The following PCDH15 variants were observed in gnomAD, a reference collection of about 807,000 sequenced individuals.
PCDH15 encodes the protein protocadherin-15.
PCDH15 carries 129 observed loss-of-function variants against 178.5 expected under a neutral mutation model. The observed-to-expected ratio is 0.72, with a 90% CI of 0.63 to 0.84. The LOEUF (loss-of-function observed/expected upper bound fraction) is 0.84, where lower values mean the gene tolerates loss of function less well. Ranked by LOEUF, PCDH15 falls within the 40% of genes least tolerant of loss-of-function variation. The probability of loss-of-function intolerance (pLI) is 0.00; values close to 1 mark genes in which losing one functional copy is unlikely to be tolerated. For synonymous variants in PCDH15, 800 were observed against 732.0 expected (o/e 1.09, Z -1.50); for missense variants, 2,230 against 2,099.9 (o/e 1.06, Z -1.21).
intron 2 of PCDH15, among the ~76,000 whole-genome samples, chr10:55,088,262 C>T (rs1308252410): frequency 6.6e-6 from 1 of 151,480 alleles, no homozygotes; most frequent in Non-Finnish European, 1.5e-5. Flanking sequence ...AATAACACTA[C>T]TATGGAAGCA....
intron 18 of PCDH15, among the ~76,000 whole-genome samples, chr10:54,046,673 C>T (rs979148467): frequency 3.3e-5 from 5 of 152,022 alleles, no homozygotes; most frequent in Non-Finnish European, 5.9e-5. Context: ...AAAGCAATTG[C>T]GCCTGAGAAG....
intron 2 of PCDH15, among the ~76,000 whole-genome samples, chr10:54,936,591 A>G (rs1381013431): frequency 3.9e-5 from 6 of 151,984 alleles, no homozygotes; most frequent in Admixed American, 3.3e-4. Flanking sequence ...ATGCAAAAAT[A>G]TATATTACTG....
rs78466841 is a variant in PCDH15 at position 55,405,163 on chromosome 10, G to A, written c.-156+222462C>T. 7.9e-3 allele frequency among the ~76,000 whole-genome samples: 1,195 copies of A among 151,080 alleles called. 15 individuals carry two copies. Among genetic ancestry groups the A allele is most frequent in the African/African-American group, 0.026 (1,074 of 41,246 alleles). On this transcript the variant is annotated intron_variant, in intron 2 of 5. Coordinates refer to the PCDH15 transcript ENST00000613346. ...TTTTGGAAGTACCTACCAAATATGTGGATGAATTATGTATTTTCTATAGAG... is the reference window on the plus strand; with the variant it reads ...TTTTGGAAGTACCTACCAAATATGTAGATGAATTATGTATTTTCTATAGAG...
intron 3 of PCDH15, among the ~76,000 whole-genome samples, chr10:54,411,652 C>A (rs1953538686): frequency 1.3e-5 from 2 of 152,122 alleles, no homozygotes; most frequent in African/African-American, 4.8e-5. Flanking sequence ...GTTGCTGCTA[C>A]CATAATGATC....
At chr10:54,513,660 A>T (rs1332957134) in intron 3 of PCDH15, among the ~76,000 whole-genome samples, 3 of 152,182 alleles carry the variant, frequency 2.0e-5, no homozygotes, top group African/African-American at 7.2e-5. Flanking sequence ...AAGATTAATT[A>T]TGTTAAAAAA....
At chr10:54,090,670 A>G (rs1309290170) in intron 15 of PCDH15, among the ~76,000 whole-genome samples, 3 of 151,018 alleles carry the variant, frequency 2.0e-5, no homozygotes, top group Admixed American at 1.3e-4. Context: ...AAAGTGCTAA[A>G]CTATGTTTAC....
intron 14 of PCDH15, among the ~76,000 whole-genome samples, chr10:54,150,136 G>C (rs1282462825): frequency 6.6e-6 from 1 of 152,048 alleles, no homozygotes; most frequent in Non-Finnish European, 1.5e-5. Context: ...AGGATATGAG[G>C]TTAGAAAGAA....
intron 2 of PCDH15, among the ~76,000 whole-genome samples, chr10:55,605,154 G>C (rs1040461159): frequency 6.6e-6 from 1 of 151,268 alleles, no homozygotes; most frequent in Non-Finnish European, 1.5e-5. Flanking sequence ...ACAAGAAATG[G>C]ATAAATTCCT....
intron 2 of PCDH15, among the ~76,000 whole-genome samples, chr10:55,000,208 T>C (rs900514369): frequency 1.1e-4 from 16 of 152,150 alleles, no homozygotes; most frequent in African/African-American, 2.9e-4. Context: ...GCTTATTTCA[T>C]CCCTACAGCT....
intron 2 of PCDH15, among the ~76,000 whole-genome samples, chr10:54,900,998 C>A (rs1344570703): frequency 2.6e-5 from 4 of 152,138 alleles, no homozygotes; most frequent in Non-Finnish European, 4.4e-5. Flanking sequence ...CTTGTGATAA[C>A]AATAACCAAG....
chr10:54,986,743 C>T (rs979454332), intron 2 of PCDH15, among the ~76,000 whole-genome samples: 2 of 152,158 alleles, frequency 1.3e-5, no homozygotes, highest in East Asian at 1.9e-4. Context: ...TTGTAACTAC[C>T]GCTTTGATGT....
chr10:55,146,954 A>G (rs1838530871), intron 2 of PCDH15, among the ~76,000 whole-genome samples: 1 of 150,436 alleles, frequency 6.6e-6, no homozygotes, highest in Non-Finnish European at 1.5e-5. Context: ...CCTGGAATGC[A>G]AAACAAAGAA....
chr10:54,560,884 T>C (rs142178859), intron 2 of PCDH15, among the ~76,000 whole-genome samples: 4 of 152,196 alleles, frequency 2.6e-5, no homozygotes, highest in Admixed American at 2.0e-4. Flanking sequence ...ATTAAAACCA[T>C]TGGATGGGTT....
At chr10:54,808,395 G>A (rs115811694) in intron 3 of PCDH15, among the ~76,000 whole-genome samples, 1,656 of 152,298 alleles carry the variant, frequency 0.011, 22 homozygotes, top group African/African-American at 0.038. Flanking sequence ...TACAGAGTCT[G>A]AGTTACTGCT....
rs767477106 is a variant in PCDH15, at chr10:54,779,481, T to TATATATATACACAC, written c.-29+21443_-29+21444insGTGTGTATATATAT. 1.0e-3 allele frequency among the ~76,000 whole-genome samples: 77 copies of TATATATATACACAC among 74,290 alleles called. 1 individual carries two copies. In the South Asian group the frequency reaches 0.018, roughly 17 times the overall value. 48.7% of individuals were successfully genotyped at this position (74,290 alleles called of 152,430 possible). On this transcript the variant is annotated intron_variant, in intron 1 of 37. Transcript: ENST00000644397. ...ATATGTGTGTATATATATACACACA[T>TATATATATACACAC]ATATATGTATATATATACACACATA...
chr10:54,196,640 C>G (rs1370558348), intron 10 of PCDH15, among the ~76,000 whole-genome samples: 1 of 152,098 alleles, frequency 6.6e-6, no homozygotes, highest in Non-Finnish European at 1.5e-5. Context: ...ATGTTTAAAT[C>G]TCTGCTATGG....
chr10:54,419,910 A>C (rs544244813), intron 3 of PCDH15, among the ~76,000 whole-genome samples: 1 of 152,210 alleles, frequency 6.6e-6, no homozygotes, highest in African/African-American at 2.4e-5. Flanking sequence ...CTGGGCTATT[A>C]GGATGTAGAG....
At chr10:55,321,874 A>T (rs2132300428), upstream of PCDH15, among the ~76,000 whole-genome samples, 1 of 152,350 alleles carries the variant, frequency 6.6e-6, no homozygotes, top group Non-Finnish European at 1.5e-5. Context: ...CATGGAAAGG[A>T]AAACTAGTTA....
chr10:55,333,350 T>A (rs1373884603), intron 2 of PCDH15, among the ~76,000 whole-genome samples: 2 of 152,050 alleles, frequency 1.3e-5, no homozygotes, highest in African/African-American at 4.8e-5. Context: ...TAAGGGGAAC[T>A]GTACAGTACA....
Sources: gnomAD v4.1 joint callset for allele counts (sites outside exome capture counted in the v4.1 genomes callset) on GRCh38, gnomAD v4.1.1 for gene constraint, MANE v1.5 for transcripts, NCBI Gene and HGNC (gene_info 2026-07-23, HGNC 2026-07-21) for gene names.